The following IGF2BP3 variants were observed in gnomAD, a reference collection of about 807,000 sequenced individuals.
IGF2BP3 encodes insulin like growth factor 2 mRNA binding protein 3, also known as insulin-like growth factor 2 mRNA-binding protein 3.
A neutral mutation model predicts 73.8 loss-of-function variants in IGF2BP3; 9 were observed. The observed-to-expected ratio is 0.12, with a 90% CI of 0.07 to 0.21. The LOEUF is 0.21. Among genes scored for constraint, IGF2BP3 ranks in the 10% least tolerant of loss-of-function variants. IGF2BP3 has a pLI of 1.00. For synonymous variants in IGF2BP3, 258 were observed against 256.7 expected, an observed-to-expected ratio of 1.01 and a Z score of -0.05; for missense variants, 542 against 714.0, an observed-to-expected ratio of 0.76 and a Z score of 2.75.
intron 2 of IGF2BP3, chr7:23,431,390 G>T (rs763583496): frequency 3.3e-5 from 5 of 152,112 alleles, no homozygotes; most frequent in African/African-American, 4.8e-5. Flanking sequence ...AATTCCTATA[G>T]ATTTTATAGT....
At chr7:23,360,400 T>C (rs992556528) in intron 5 of IGF2BP3, among the ~76,000 whole-genome samples, 1 of 152,242 alleles carries the variant, frequency 6.6e-6, no homozygotes, top group African/African-American at 2.4e-5. Flanking sequence ...TCAAATGTTA[T>C]GGTATCATTT....
At chr7:23,443,718 A>C (rs946356380) in intron 2 of IGF2BP3, among the ~76,000 whole-genome samples, 58 of 152,078 alleles carry the variant, frequency 3.8e-4, no homozygotes, top group Admixed American at 1.9e-3. Context: ...AAAATATACA[A>C]GATTTTCTGG....
Position 23,381,550 on chromosome 7 carries a change from G to C in IGF2BP3, c.286-19809C>G, listed in dbSNP as rs371640062. 1.5e-4 allele frequency among the ~76,000 whole-genome samples: 23 copies of C among 152,218 alleles called. 1 individual carries two copies. The highest frequency in any genetic ancestry group is 9.2e-4 in the Admixed American group (14 of 15,294). ...TTATATGTTCATTAAAGTGATGGCT[G>C]ATTTTAAAATTTTAAGTTAAATTTT... is the stretch of plus-strand genomic sequence containing the variant. On this transcript the variant is annotated intron_variant, in intron 3 of 14. Coordinates refer to ENST00000258729, the MANE Select transcript of IGF2BP3 (RefSeq NM_006547.3).
intron 3 of IGF2BP3, among the ~76,000 whole-genome samples, chr7:23,395,223 G>C (rs541832491): frequency 5.9e-5 from 9 of 152,112 alleles, no homozygotes; most frequent in African/African-American, 1.9e-4. Flanking sequence ...AGAAAGCTGA[G>C]TATTATGATC....
At position 23,311,637 on chromosome 7, in the gene IGF2BP3, C is replaced by G. The variant is rs979090567; in HGVS notation, c.*725G>C. ...GAAATTAATTTTCCAGCTTTACTGT[C>G]ACCAGCCAGAAGTAAAAATCTTAAT... On this transcript the variant is annotated 3_prime_UTR_variant, in exon 15 of 15. Transcript: ENST00000258729. 30 of 152,434 alleles carry G rather than the reference C, an allele frequency of 2.0e-4. No individual in the cohort carries two copies. The highest frequency in any genetic ancestry group is 7.2e-4 in the African/African-American group (30 of 41,432). The allele number at this position is 152,434 out of a possible 1,614,324, so 9.4% of individuals were successfully genotyped here.
At chr7:23,350,808 A>G (rs1784941083) in intron 6 of IGF2BP3, among the ~76,000 whole-genome samples, 1 of 152,252 alleles carries the variant, frequency 6.6e-6, no homozygotes, top group African/African-American at 2.4e-5. Flanking sequence ...ATCAAAAAAT[A>G]TCCAGAAGAA....
At chr7:23,459,066 T>A (rs1368214907) in intron 2 of IGF2BP3, among the ~76,000 whole-genome samples, 1 of 152,246 alleles carries the variant, frequency 6.6e-6, no homozygotes, top group African/African-American at 2.4e-5. Context: ...TACTGTGCTA[T>A]CTCATTTTTA....
intron 2 of IGF2BP3, among the ~76,000 whole-genome samples, chr7:23,434,744 C>T (rs991898723): frequency 2.0e-5 from 3 of 152,160 alleles, no homozygotes; most frequent in Non-Finnish European, 4.4e-5. Flanking sequence ...TCTCCAATAG[C>T]AGCAAATTGT....
intron 3 of IGF2BP3, among the ~76,000 whole-genome samples, chr7:23,408,078 C>T (rs1786901558): frequency 6.6e-6 from 1 of 151,576 alleles, no homozygotes; most frequent in Admixed American, 6.6e-5. Flanking sequence ...AGATTGTCAA[C>T]AAACTAGAAA....
chr7:23,365,464 G>C (rs1432152964), intron 3 of IGF2BP3, among the ~76,000 whole-genome samples: 1 of 152,108 alleles, frequency 6.6e-6, no homozygotes, highest in East Asian at 1.9e-4. Flanking sequence ...CTACAATAAT[G>C]TCAAGGCAAC....
intron 2 of IGF2BP3, among the ~76,000 whole-genome samples, chr7:23,439,580 CAT>C (rs1787884584): frequency 7.4e-6 from 1 of 134,464 alleles, no homozygotes; most frequent in African/African-American, 2.8e-5. Flanking sequence ...AAAAAAAAGA[CAT>C]GTTTAAACTC....
chr7:23,313,067 A>G (rs1480900701), intron 13 of IGF2BP3, among the ~76,000 whole-genome samples: 1 of 152,262 alleles, frequency 6.6e-6, no homozygotes, highest in Admixed American at 6.5e-5. Context: ...TGGCAAAACC[A>G]GATTCAAATC....
intron 3 of IGF2BP3, among the ~76,000 whole-genome samples, chr7:23,367,198 G>C (rs764148889): frequency 6.6e-6 from 1 of 151,932 alleles, no homozygotes; most frequent in African/African-American, 2.4e-5. Context: ...GGCTAGTCCC[G>C]AATTCCTGAG....
chr7:23,417,106 A>G (rs768656946), intron 3 of IGF2BP3, among the ~76,000 whole-genome samples: 2 of 152,216 alleles, frequency 1.3e-5, no homozygotes, highest in Non-Finnish European at 2.9e-5. Context: ...ACCCTTCTCA[A>G]AAAGGAAATA....
chr7:23,391,000 T>C (rs893604484), intron 3 of IGF2BP3, among the ~76,000 whole-genome samples: 1 of 151,302 alleles, frequency 6.6e-6, no homozygotes, highest in African/African-American at 2.4e-5. Flanking sequence ...GGTTTAGCCA[T>C]GTTAGCCAGG....
At chr7:23,394,905 G>A (rs1049205771) in intron 3 of IGF2BP3, among the ~76,000 whole-genome samples, 5 of 152,150 alleles carry the variant, frequency 3.3e-5, no homozygotes, top group African/African-American at 4.8e-5. Flanking sequence ...TTGTTCAGCT[G>A]GGCAACTTCA....
intron 2 of IGF2BP3, among the ~76,000 whole-genome samples, chr7:23,449,509 C>T (rs1788144694): frequency 6.7e-6 from 1 of 150,214 alleles, no homozygotes; most frequent in African/African-American, 2.4e-5. Context: ...AGCGAGACTC[C>T]GTCTAAAAAA....
chr7:23,439,554 CAAAAAAAAAA>C (rs11332929), intron 2 of IGF2BP3, among the ~76,000 whole-genome samples: 5 of 56,724 alleles, frequency 8.8e-5, no homozygotes, highest in East Asian at 6.3e-4. Flanking sequence ...GACTCCGTCT[CAAAAAAAAAA>C]AAAAAAAAAA....
At chr7:23,352,953 TTG>T (rs201298469) in intron 5 of IGF2BP3, among the ~76,000 whole-genome samples, 25 of 152,184 alleles carry the variant, frequency 1.6e-4, no homozygotes, top group Non-Finnish European at 3.1e-4. Context: ...TGTATTCATT[TTG>T]TGTGTGTGTG....
Sources: gnomAD v4.1 joint callset for allele counts (sites outside exome capture counted in the v4.1 genomes callset) on GRCh38, gnomAD v4.1.1 for gene constraint, MANE v1.5 for transcripts, NCBI Gene and HGNC (gene_info 2026-07-23, HGNC 2026-07-21) for gene names.